Variants in EPS15 observed in about 807,000 individuals in gnomAD.
The protein encoded by EPS15 is epidermal growth factor receptor pathway substrate 15.
Under a neutral mutation model 113.8 loss-of-function variants are expected in EPS15, and 72 were observed. The observed-to-expected ratio is 0.63, with a 90% confidence interval of 0.52 to 0.77. The LOEUF (loss-of-function observed/expected upper bound fraction) is 0.77. Ranked by LOEUF, EPS15 falls within the 30% of genes least tolerant of loss-of-function variation. EPS15 has a pLI of 0.00. For missense variants in EPS15, 1,048 were observed against 1,045.8 expected, an observed-to-expected ratio of 1.00 and a Z score of -0.03; for synonymous variants, 344 against 363.4, an observed-to-expected ratio of 0.95 and a Z score of 0.61.
intron 8 of EPS15, among the ~76,000 whole-genome samples, chr1:51,449,611 C>CTA (rs1489498142): frequency 6.6e-6 from 1 of 151,414 alleles, no homozygotes; most frequent in Non-Finnish European, 1.5e-5. Context: ...GTTAAAGATG[C>CTA]TATATTAGGC....
intron 21 of EPS15, among the ~76,000 whole-genome samples, chr1:51,393,068 T>C (rs1392030851): frequency 6.6e-6 from 1 of 152,228 alleles, no homozygotes; most frequent in Non-Finnish European, 1.5e-5. Flanking sequence ...CCAGCCTACA[T>C]TAAATCTTAT....
Position 51,363,949 on chromosome 1 carries a change from T to C in EPS15, c.2276A>G (p.Glu759Gly). Residue 759 changes from glutamate to glycine, a missense_variant, in exon 23 of 25, where the codon GAA becomes GGA. Physicochemically the swap from Glu to Gly is moderately conservative, Grantham distance 98 (BLOSUM62 -2). Coordinates refer to ENST00000371733, the MANE Select transcript of EPS15 (RefSeq NM_001981.3). Reference sequence around the variant, plus strand: ...TTCATCTTCACTTTTGACCGATGTTTCCTCAAATACATTTTTTGTAATCAC... The same window carrying C: ...TTCATCTTCACTTTTGACCGATGTTCCCTCAAATACATTTTTTGTAATCAC... ...NVVITKNVFE[E>G]TSVKSEDEPP... is the part of the protein sequence containing the mutation. The C allele has an allele frequency of 6.2e-7, 1 of 1,613,938 alleles. No individual in the cohort carries two copies. The highest frequency in any genetic ancestry group is 1.1e-5 in the South Asian group (1 of 91,008).
At chr1:51,499,350 A>AT (rs535240313) in intron 1 of EPS15, among the ~76,000 whole-genome samples, 3 of 151,292 alleles carry the variant, frequency 2.0e-5, no homozygotes, top group Admixed American at 6.6e-5. Flanking sequence ...CATGCACCAC[A>AT]TTTTTTTTTA....
At chr1:51,482,310 G>C (rs572524596) in intron 1 of EPS15, among the ~76,000 whole-genome samples, 8 of 152,288 alleles carry the variant, frequency 5.3e-5, no homozygotes, top group African/African-American at 1.4e-4. Flanking sequence ...AAGATGGGGA[G>C]AGGGTGATTC....
At position 51,400,932 on chromosome 1, in the gene EPS15, G is replaced by A; in HGVS notation, c.1904C>T (p.Pro635Leu). Residue 635 changes from proline to leucine, a missense_variant, in exon 19 of 25, where the codon CCT becomes CTT. Coordinates refer to ENST00000371733, the MANE Select transcript of EPS15 (RefSeq NM_001981.3). ...AAGATACTGACCGATTTTTCCAAAA[G>A]GATCATCCTTGAAAGGATCACCTGT... ...FVGSDPFKDD[P>L]FGKIDPFGGD... The A allele has an allele frequency of 6.3e-7, 1 of 1,584,562 alleles. No individual in the cohort carries two copies. Among genetic ancestry groups the A allele is most frequent in the African/African-American group, 1.4e-5 (1 of 73,392 alleles).
At chr1:51,422,390 C>T (rs1459558402) in intron 12 of EPS15, among the ~76,000 whole-genome samples, 2 of 152,146 alleles carry the variant, frequency 1.3e-5, no homozygotes, top group Non-Finnish European at 2.9e-5. Context: ...TATTAATACA[C>T]AGGCAATTTG....
chr1:51,505,736 G>C (rs958351002), intron 1 of EPS15, among the ~76,000 whole-genome samples: 1 of 151,796 alleles, frequency 6.6e-6, no homozygotes, highest in African/African-American at 2.4e-5. Flanking sequence ...GGAGCATAAA[G>C]CTACAAAAAA....
chr1:51,375,568 AG>A (rs1455278033), intron 21 of EPS15, among the ~76,000 whole-genome samples: 20 of 152,328 alleles, frequency 1.3e-4, no homozygotes, highest in African/African-American at 4.6e-4. Flanking sequence ...TCAGAATCTC[AG>A]TAGTTTCCAG....
Position 51,361,362 on chromosome 1 carries a change from CA to C in EPS15, c.2360-8del. ...TTGTTGATGGATCTTTTCCCTGGAT[CA>C]AAATCATTACAATTAATTCAACCAG... On this transcript the variant is annotated splice_polypyrimidine_tract_variant and splice_region_variant and intron_variant, in intron 23 of 24. Transcript: ENST00000371733. 1 of 1,603,354 alleles carries C rather than the reference CA, an allele frequency of 6.2e-7. No homozygotes were observed. Among genetic ancestry groups the C allele is most frequent in the Non-Finnish European group, 8.5e-7 (1 of 1,172,104 alleles).
intron 5 of EPS15, among the ~76,000 whole-genome samples, chr1:51,467,333 T>C (rs978516063): frequency 6.6e-6 from 1 of 152,246 alleles, no homozygotes; most frequent in Non-Finnish European, 1.5e-5. Flanking sequence ...AATTAACACA[T>C]ATAAATACAT....
chr1:51,426,837 C>CTCTCTCTCTATA (rs377211027), intron 12 of EPS15, among the ~76,000 whole-genome samples: 6 of 143,568 alleles, frequency 4.2e-5, no homozygotes, highest in Non-Finnish European at 6.1e-5. Context: ...CTCTCTCTCT[C>CTCTCTCTCTATA]TATATATATA....
intron 16 of EPS15, among the ~76,000 whole-genome samples, chr1:51,403,758 C>A (rs1342147582): frequency 6.6e-6 from 1 of 152,148 alleles, no homozygotes; most frequent in Non-Finnish European, 1.5e-5. Context: ...GAATATGACT[C>A]CAAGTCTTGC....
At chr1:51,444,299 G>A (rs1453764643) in intron 11 of EPS15, among the ~76,000 whole-genome samples, 1 of 152,100 alleles carries the variant, frequency 6.6e-6, no homozygotes, top group East Asian at 1.9e-4. Flanking sequence ...AAACAATGAA[G>A]TTTTGAAAAT....
chr1:51,381,266 T>C (rs1646934538), intron 21 of EPS15, among the ~76,000 whole-genome samples: 1 of 152,178 alleles, frequency 6.6e-6, no homozygotes, highest in African/African-American at 2.4e-5. Flanking sequence ...ATAGAACAAC[T>C]CTTAATGAAT....
chr1:51,425,865 C>T (rs1343905871), intron 12 of EPS15, among the ~76,000 whole-genome samples: 1 of 151,982 alleles, frequency 6.6e-6, no homozygotes, highest in Non-Finnish European at 1.5e-5. Flanking sequence ...GAATTTTAAA[C>T]AACAGTGAAG....
At chr1:51,404,908 G>A (rs1460821418) in intron 16 of EPS15, among the ~76,000 whole-genome samples, 1 of 152,146 alleles carries the variant, frequency 6.6e-6, no homozygotes, top group Non-Finnish European at 1.5e-5. Context: ...TACTAGAAGC[G>A]CCTCATCTCT....
chr1:51,386,172 C>T (rs1025756008), intron 21 of EPS15, among the ~76,000 whole-genome samples: 6 of 152,150 alleles, frequency 3.9e-5, no homozygotes, highest in African/African-American at 1.4e-4. Context: ...AACATACGCC[C>T]AGGCATATTT....
At chr1:51,386,121 T>C (rs1464721478) in intron 21 of EPS15, among the ~76,000 whole-genome samples, 2 of 152,230 alleles carry the variant, frequency 1.3e-5, no homozygotes, top group Non-Finnish European at 2.9e-5. Flanking sequence ...TCCCATTACA[T>C]GTTCTCTGAG....
intron 1 of EPS15, among the ~76,000 whole-genome samples, chr1:51,506,210 A>T (rs551300224): frequency 6.6e-6 from 1 of 152,332 alleles, no homozygotes; most frequent in Non-Finnish European, 1.5e-5. Flanking sequence ...TATTTTATAC[A>T]TTAACTACCT....
Sources: gnomAD v4.1 joint callset for allele counts (sites outside exome capture counted in the v4.1 genomes callset) on GRCh38, gnomAD v4.1.1 for gene constraint, MANE v1.5 for transcripts, NCBI Gene and HGNC (gene_info 2026-07-23, HGNC 2026-07-21) for gene names.